The following PRICKLE1 variants were observed in gnomAD, a reference collection of about 807,000 sequenced individuals.
The protein encoded by PRICKLE1 is prickle-like protein 1.
In PRICKLE1, 14 loss-of-function variants were observed where a neutral mutation model predicts 70.2. The ratio of observed to expected loss-of-function variants is 0.20; its 90% CI spans 0.13 to 0.31. The LOEUF is 0.31. PRICKLE1 is among the 10% of genes least tolerant of loss of function. PRICKLE1 has a pLI of 1.00. For missense variants in PRICKLE1, 821 were observed against 1,026.2 expected, an observed-to-expected ratio of 0.80 and a Z score of 2.73; for synonymous variants, 357 against 379.9, an observed-to-expected ratio of 0.94 and a Z score of 0.70.
intron 1 of PRICKLE1, among the ~76,000 whole-genome samples, chr12:42,521,980 T>C (rs1939717600): frequency 1.0e-5 from 1 of 96,642 alleles, no homozygotes; most frequent in Non-Finnish European, 1.8e-5. Context: ...GTTTAACTTC[T>C]TTTTTTTTTT....
intron 1 of PRICKLE1, among the ~76,000 whole-genome samples, chr12:42,494,302 T>A (rs1227484827): frequency 1.3e-5 from 2 of 152,178 alleles, no homozygotes; most frequent in Non-Finnish European, 2.9e-5. Flanking sequence ...ACAAAAGATT[T>A]CTCTGTAGCA....
chr12:42,467,092 G>A (rs1938124239), intron 5 of PRICKLE1, among the ~76,000 whole-genome samples: 1 of 152,012 alleles, frequency 6.6e-6, no homozygotes. Flanking sequence ...ATGGGGTCTA[G>A]TCTGGTTCTT....
chr12:42,588,262 A>G (rs945010044), intron 1 of PRICKLE1, among the ~76,000 whole-genome samples: 2 of 152,246 alleles, frequency 1.3e-5, no homozygotes, highest in Non-Finnish European at 2.9e-5. Context: ...TACATTAAAA[A>G]ATGTCTGATG....
chr12:42,533,873 G>A (rs115143702), intron 1 of PRICKLE1, among the ~76,000 whole-genome samples: 280 of 152,046 alleles, frequency 1.8e-3, no homozygotes, highest in African/African-American at 6.6e-3. Context: ...ACACAAAAAC[G>A]CCCCTAACGA....
intron 1 of PRICKLE1, among the ~76,000 whole-genome samples, chr12:42,520,312 T>C (rs1477120425): frequency 6.6e-6 from 1 of 152,134 alleles, no homozygotes; most frequent in East Asian, 1.9e-4. Flanking sequence ...AAAAGAAAGA[T>C]GTAAGACCGT....
At chr12:42,543,465 TG>T (rs1940152446) in intron 1 of PRICKLE1, among the ~76,000 whole-genome samples, 1 of 151,804 alleles carries the variant, frequency 6.6e-6, no homozygotes, top group African/African-American at 2.4e-5. Flanking sequence ...CCCGCAAGGC[TG>T]GGACTATGGG....
rs1593100814 is a variant in PRICKLE1, at chr12:42,460,534, T to C, written c.1771A>G (p.Ser591Gly). 1.9e-6 allele frequency: 3 copies of C among 1,614,154 alleles called. No homozygotes were observed. Among genetic ancestry groups the C allele is most frequent in the South Asian group, 1.1e-5 (1 of 91,076 alleles). ...GTLNSSMLHR[S>G]AESLKSLSSE... ...CTTAGACTCTTTAAGGACTCTGCACTCCTGTGCAGCATGGAAGAGTTCAAA... is the reference window on the plus strand; with the variant it reads ...CTTAGACTCTTTAAGGACTCTGCACCCCTGTGCAGCATGGAAGAGTTCAAA... The change falls in exon 8 of 8, where the codon AGT (serine) becomes GGT (glycine). Residue 591 changes from serine (S) to glycine (G), a missense_variant. Coordinates refer to ENST00000345127, the MANE Select transcript of PRICKLE1 (RefSeq NM_153026.3).
intron 1 of PRICKLE1, among the ~76,000 whole-genome samples, chr12:42,562,571 T>G (rs760743813): frequency 6.6e-6 from 1 of 150,972 alleles, no homozygotes; most frequent in Non-Finnish European, 1.5e-5. Flanking sequence ...ATGGAAGAAA[T>G]GAGAAATGAT....
In PRICKLE1 at chr12:42,522,963, T is replaced by TA. The variant is rs1491127247; in HGVS notation, c.-48-50400_-48-50399insT. 1.8e-3 allele frequency among the ~76,000 whole-genome samples: 43 copies of TA among 24,238 alleles called. No individual in the cohort carries two copies. The South Asian group carries it at 0.062, about 35-fold the overall frequency. 15.9% of individuals were successfully genotyped at this position (24,238 alleles called of 152,430 possible). A position where few individuals can be genotyped will look rare whatever the true frequency, so the allele number is the denominator to read the frequency against. ...TTAGTTGAAAGGTGATTCTAACATA[T>TA]TTTTTTTTTTTTTTTTGAGATGGAG... On this transcript the variant is annotated intron_variant, in intron 1 of 7. Transcript: ENST00000345127.
At chr12:42,554,082 C>A (rs1386073046) in intron 1 of PRICKLE1, among the ~76,000 whole-genome samples, 2 of 152,046 alleles carry the variant, frequency 1.3e-5, no homozygotes, top group Admixed American at 6.6e-5. Flanking sequence ...CCAGCCTGGG[C>A]GACAAGAGTG....
chr12:42,507,385 GT>G (rs1205638940), intron 1 of PRICKLE1, among the ~76,000 whole-genome samples: 4 of 152,214 alleles, frequency 2.6e-5, no homozygotes, highest in African/African-American at 9.6e-5. Context: ...GATGGAAAGG[GT>G]TTTGAACCCT....
At chr12:42,496,468 C>T (rs1476254243) in intron 1 of PRICKLE1, among the ~76,000 whole-genome samples, 1 of 152,150 alleles carries the variant, frequency 6.6e-6, no homozygotes, top group African/African-American at 2.4e-5. Context: ...CCAGCTGCAT[C>T]AGCTCCTAAC....
At chr12:42,519,230 C>T (rs1236809481) in intron 1 of PRICKLE1, among the ~76,000 whole-genome samples, 2 of 108,964 alleles carry the variant, frequency 1.8e-5, no homozygotes, top group Non-Finnish European at 1.7e-5. Flanking sequence ...GTGTGTTGCT[C>T]TTGTCACCCA....
At chr12:42,583,752 A>G (rs1260881533) in intron 1 of PRICKLE1, among the ~76,000 whole-genome samples, 1 of 152,244 alleles carries the variant, frequency 6.6e-6, no homozygotes, top group East Asian at 1.9e-4. Flanking sequence ...CAAGTCAACT[A>G]CTGTTCAACC....
At chr12:42,463,327 A>G (rs1937935014) in intron 7 of PRICKLE1, among the ~76,000 whole-genome samples, 1 of 152,192 alleles carries the variant, frequency 6.6e-6, no homozygotes, top group South Asian at 2.1e-4. Flanking sequence ...TAGGAAAAAA[A>G]AGAAAACATT....
rs1381830015 is a variant in PRICKLE1 at position 42,587,226 on chromosome 12, T to C, written c.-49+2239A>G. Among the ~76,000 whole-genome samples, 3 of 152,334 alleles carry C rather than the reference T, an allele frequency of 2.0e-5. No individual in the cohort carries two copies. The South Asian group carries it at 6.2e-4, about 32-fold the overall frequency. ...GCTCACTCGGTGATAACTCGCCAAT[T>C]AGTACCAAATTAAAGATGGAAAAAT... On this transcript the variant is annotated intron_variant, in intron 1 of 7. Transcript: ENST00000345127.
intron 1 of PRICKLE1, among the ~76,000 whole-genome samples, chr12:42,494,544 C>G (rs975382061): frequency 6.6e-6 from 1 of 152,116 alleles, no homozygotes; most frequent in East Asian, 1.9e-4. Flanking sequence ...TGGTGACTCA[C>G]GCCTGTAATC....
intron 1 of PRICKLE1, among the ~76,000 whole-genome samples, chr12:42,500,408 C>T (rs965434110): frequency 1.3e-5 from 2 of 152,188 alleles, no homozygotes; most frequent in Non-Finnish European, 2.9e-5. Flanking sequence ...ACGTACTAAG[C>T]ACTTAGTCAA....
intron 5 of PRICKLE1, among the ~76,000 whole-genome samples, chr12:42,466,711 A>G (rs1457619618): frequency 6.6e-6 from 1 of 152,166 alleles, no homozygotes; most frequent in Non-Finnish European, 1.5e-5. Context: ...CAAAGAACAC[A>G]TTAACACGGA....
Sources: gnomAD v4.1 joint callset for allele counts (sites outside exome capture counted in the v4.1 genomes callset) on GRCh38, gnomAD v4.1.1 for gene constraint, MANE v1.5 for transcripts, NCBI Gene and HGNC (gene_info 2026-07-23, HGNC 2026-07-21) for gene names.